The following PTH2R variants were observed in gnomAD, a reference collection of about 807,000 sequenced individuals.
The protein encoded by PTH2R is PTH2 receptor.
PTH2R carries 59 observed loss-of-function variants against 60.3 expected under a neutral mutation model. That is an observed-to-expected ratio of 0.98 (90% CI 0.79 to 1.22). PTH2R has a LOEUF of 1.22. Among genes scored for constraint, PTH2R ranks in the 50% most tolerant of loss-of-function variants. PTH2R has a pLI of 0.00. For missense variants in PTH2R, 749 were observed against 682.6 expected, an observed-to-expected ratio of 1.10 and a Z score of -1.08; for synonymous variants, 256 against 243.8, an observed-to-expected ratio of 1.05 and a Z score of -0.47.
In PTH2R at chr2:208,406,920, G is replaced by T. The variant is rs976583543; in HGVS notation, c.-124G>T. 6 of 778,074 alleles carry T rather than the reference G, an allele frequency of 7.7e-6. No homozygotes were observed. Among genetic ancestry groups the T allele is most frequent in the South Asian group, 4.3e-5 (1 of 23,422 alleles). The allele number at this position is 778,074 out of a possible 1,614,324, so 48.2% of individuals were successfully genotyped here. A position where few individuals can be genotyped will look rare whatever the true frequency, so the allele number is the denominator to read the frequency against. On this transcript the variant is annotated 5_prime_UTR_variant, in exon 1 of 13. Coordinates refer to ENST00000272847, the MANE Select transcript of PTH2R (RefSeq NM_005048.4). ...CACCCTCGGCCGGTGGCCCGGGCCC[G>T]ACCACCCCAGCTGCGCGTCGTTACT...
intron 12 of PTH2R, among the ~76,000 whole-genome samples, chr2:208,491,342 C>T (rs1185923009): frequency 6.6e-6 from 1 of 152,126 alleles, no homozygotes; most frequent in Non-Finnish European, 1.5e-5. Context: ...AAATTAATTT[C>T]CTGACTTACT....
At chr2:208,488,894 A>G in intron 10 of PTH2R, 118 bp from the exon 11 acceptor site, 1 of 1,038,082 alleles carries the variant, frequency 9.6e-7, no homozygotes, top group Middle Eastern at 2.9e-4. Context: ...AAAAGATAAA[A>G]AGAAAGTGTC....
At chr2:208,416,690 G>C (rs1031656968) in intron 1 of PTH2R, among the ~76,000 whole-genome samples, 1 of 152,220 alleles carries the variant, frequency 6.6e-6, no homozygotes, top group Non-Finnish European at 1.5e-5. Flanking sequence ...ATTTGAGTCA[G>C]TGGGCTGGGA....
In PTH2R at chr2:208,459,508, T is replaced by C. The variant is rs754070872; in HGVS notation, c.915-387T>C. Among the ~76,000 whole-genome samples, 170 of 152,166 alleles carry C rather than the reference T, an allele frequency of 1.1e-3. 2 individuals are homozygous for C. The highest frequency in any genetic ancestry group is 3.1e-4 in the Non-Finnish European group (21 of 67,992). The stretch of plus-strand genomic sequence containing the variant: ...TAAAATAGAATTGCTGTAATGTCTG[T>C]GAGAGAGAACTTTCTTTATCAGTGA... On this transcript the variant is annotated intron_variant, in intron 8 of 12. Coordinates refer to ENST00000272847, the MANE Select transcript of PTH2R (RefSeq NM_005048.4).
chr2:208,428,328 C>A, intron 2 of PTH2R, 25 bp downstream of exon 2: 1 of 1,452,212 alleles, frequency 6.9e-7, no homozygotes, highest in Non-Finnish European at 9.6e-7. Context: ...AAAATTGGCT[C>A]TCCTTGTGCC....
chr2:208,418,909 TTCTA>T (rs548184526), intron 1 of PTH2R, among the ~76,000 whole-genome samples: 26 of 152,356 alleles, frequency 1.7e-4, no homozygotes, highest in Non-Finnish European at 3.5e-4. Context: ...ATTTAGTTTT[TTCTA>T]TCTAATATTT....
chr2:208,432,642 T>C (rs961702591), intron 2 of PTH2R, among the ~76,000 whole-genome samples: 2 of 152,002 alleles, frequency 1.3e-5, no homozygotes, highest in African/African-American at 4.8e-5. Context: ...AAGAAGACAA[T>C]AGTGGCTCAG....
intron 1 of PTH2R, among the ~76,000 whole-genome samples, chr2:208,413,231 T>A (rs1216964260): frequency 6.6e-6 from 1 of 151,974 alleles, no homozygotes; most frequent in Non-Finnish European, 1.5e-5. Flanking sequence ...ATATTACAAA[T>A]GACAGAGAGC....
At chr2:208,443,749 C>G (rs1183458324) in intron 6 of PTH2R, among the ~76,000 whole-genome samples, 1 of 152,054 alleles carries the variant, frequency 6.6e-6, no homozygotes, top group Non-Finnish European at 1.5e-5. Context: ...GTTTTTTCCT[C>G]AAGAATATTC....
intron 4 of PTH2R, among the ~76,000 whole-genome samples, chr2:208,440,166 A>G (rs888952682): frequency 2.0e-5 from 3 of 152,214 alleles, no homozygotes; most frequent in Non-Finnish European, 4.4e-5. Flanking sequence ...CTAGCTGGGC[A>G]TAGTGGCCTG....
intron 9 of PTH2R, among the ~76,000 whole-genome samples, chr2:208,478,940 T>G (rs745713305): frequency 5.9e-5 from 9 of 152,228 alleles, no homozygotes; most frequent in Non-Finnish European, 8.8e-5. Context: ...CCATAGTTAG[T>G]AGTCAATAAC....
intron 1 of PTH2R, among the ~76,000 whole-genome samples, chr2:208,369,851 G>A (rs138419944): frequency 2.6e-4 from 40 of 152,114 alleles, no homozygotes; most frequent in South Asian, 2.5e-3. Context: ...CATAGACAAC[G>A]CACTTATGTA....
chr2:208,436,078 A>G (rs1449757019), intron 2 of PTH2R, among the ~76,000 whole-genome samples: 1 of 152,192 alleles, frequency 6.6e-6, no homozygotes, highest in Non-Finnish European at 1.5e-5. Flanking sequence ...GAATGTGGCT[A>G]AAGCTTGAGA....
chr2:208,493,144 C>A, intron 12 of PTH2R, 120 bp from the exon 13 acceptor site: 1 of 1,109,276 alleles, frequency 9.0e-7, no homozygotes, highest in South Asian at 2.9e-5. Flanking sequence ...GTCCCTGGCA[C>A]GTAGAGGAAC....
upstream of PTH2R, among the ~76,000 whole-genome samples, chr2:208,402,883 C>T (rs531691898): frequency 7.2e-5 from 11 of 152,206 alleles, no homozygotes; most frequent in Non-Finnish European, 1.2e-4. Flanking sequence ...TCTATAGGGG[C>T]ACGGTAGAAT....
chr2:208,491,254 T>C lies in PTH2R; in HGVS notation c.1257+574T>C, dbSNP rs532072266. ...AAGTGCACAGATACTTTTATTGCGG[T>C]ACACCAGCTGATGCTTCTGACCATG... On this transcript the variant is annotated intron_variant, in intron 12 of 12. Transcript: ENST00000272847. 2.4e-4 allele frequency among the ~76,000 whole-genome samples: 36 copies of C among 152,358 alleles called. No individual in the cohort carries two copies. The South Asian group carries it at 7.5e-3, about 32-fold the overall frequency.
At position 208,443,155 on chromosome 2, in the gene PTH2R, T is replaced by C. The variant is rs569460672; in HGVS notation, c.510-193T>C. Among the ~76,000 whole-genome samples, 74 of 152,320 alleles carry C rather than the reference T, an allele frequency of 4.9e-4. 1 individual carries two copies. The highest frequency in any genetic ancestry group is 1.4e-3 in the African/African-American group (60 of 41,574). ...ATTTAAAGTAACAAGATGATGTACA[T>C]AGGTTATGTGCAAATACTGCACTAT... On this transcript the variant is annotated intron_variant, in intron 5 of 12. Transcript: ENST00000272847.
chr2:208,386,502 TTGTG>T (rs949962437), intron 1 of PTH2R, among the ~76,000 whole-genome samples: 4 of 152,026 alleles, frequency 2.6e-5, no homozygotes, highest in African/African-American at 9.7e-5. Context: ...ATGTATGTGT[TTGTG>T]TGTGTGCGTG....
At chr2:208,431,881 A>G (rs538468464) in intron 2 of PTH2R, among the ~76,000 whole-genome samples, 12 of 152,370 alleles carry the variant, frequency 7.9e-5, no homozygotes, top group African/African-American at 2.4e-4. Flanking sequence ...TTTCTGGCCT[A>G]CAATTTATTC....
Sources: gnomAD v4.1 joint callset for allele counts (sites outside exome capture counted in the v4.1 genomes callset) on GRCh38, gnomAD v4.1.1 for gene constraint, MANE v1.5 for transcripts, NCBI Gene and HGNC (gene_info 2026-07-23, HGNC 2026-07-21) for gene names.